MGAT1: variants seen among roughly 807,000 people sequenced by gnomAD.
MGAT1 encodes alpha-1,3-mannosyl-glycoprotein 2-beta-N-acetylglucosaminyltransferase.
In MGAT1, 14 loss-of-function variants were observed where a neutral mutation model predicts 31.7. That is an observed-to-expected ratio of 0.44 (90% CI 0.29 to 0.69). The LOEUF (loss-of-function observed/expected upper bound fraction) is 0.69. Among genes scored for constraint, MGAT1 ranks in the 30% least tolerant of loss-of-function variants. The probability of loss-of-function intolerance (pLI) is 0.12; values close to 1 mark genes in which losing one functional copy is unlikely to be tolerated. For missense variants in MGAT1, 557 were observed against 626.0 expected, an observed-to-expected ratio of 0.89 and a Z score of 1.18; for synonymous variants, 338 against 276.0, an observed-to-expected ratio of 1.22 and a Z score of -2.23.
intron 1 of MGAT1, chr5:180,810,084 G>C (rs936712): frequency 0.31 from 41,245 of 134,074 alleles, 6,929 homozygotes; most frequent in African/African-American, 0.49. Context: ...GCGGCCCGCC[G>C]CGGGTCGCAA....
chr5:180,799,387 GC>G (rs1473334839), intron 1 of MGAT1, among the ~76,000 whole-genome samples: 1 of 152,102 alleles, frequency 6.6e-6, no homozygotes, highest in Non-Finnish European at 1.5e-5. Context: ...CCACCTGCCA[GC>G]CACCCACACA....
chr5:180,815,411 T>TA (rs1227146684), intron 1 of MGAT1: 3 of 152,588 alleles, frequency 2.0e-5, no homozygotes, highest in Non-Finnish European at 4.4e-5. Flanking sequence ...CCCTCACAGA[T>TA]ACCTCTGACT....
rs57989347 is a variant in MGAT1 at position 180,797,440 on chromosome 5, GC to G, written c.-126-4344del. 6.9e-3 allele frequency among the ~76,000 whole-genome samples: 838 copies of G among 121,462 alleles called. 9 individuals carry two copies. The highest frequency in any genetic ancestry group is 0.031 in the East Asian group (95 of 3,058). The allele number at this position is 121,462 out of a possible 152,430, so 79.7% of individuals were successfully genotyped here. A position where few individuals can be genotyped will look rare whatever the true frequency, so the allele number is the denominator to read the frequency against. On this transcript the variant is annotated intron_variant, in intron 1 of 1. Coordinates refer to ENST00000307826, the MANE Select transcript of MGAT1 (RefSeq NM_002406.4). ...AAAAAAAAAAAAAAAGGGGGGGGGG[GC>G]CCAGAGGGATAGCCCGTCCCTGACT...
chr5:180,800,153 G>C (rs1051860978), intron 1 of MGAT1, among the ~76,000 whole-genome samples: 3 of 152,208 alleles, frequency 2.0e-5, no homozygotes, highest in African/African-American at 7.2e-5. Flanking sequence ...GAAGCAATGA[G>C]AGAAACAGAC....
chr5:180,811,796 G>A (rs1322048866), intron 1 of MGAT1, among the ~76,000 whole-genome samples: 1 of 152,112 alleles, frequency 6.6e-6, no homozygotes, highest in Non-Finnish European at 1.5e-5. Flanking sequence ...CTGCAGAGCC[G>A]GACAACCCAC....
intron 2 of MGAT1, chr5:180,808,637 A>G (rs1031142634): frequency 2.0e-5 from 3 of 152,290 alleles, no homozygotes; most frequent in African/African-American, 7.2e-5. Flanking sequence ...GAAATGAGAC[A>G]GGAGCCTTAC....
chr5:180,804,815 C>T (rs1771617706), upstream of MGAT1, among the ~76,000 whole-genome samples: 1 of 152,184 alleles, frequency 6.6e-6, no homozygotes, highest in Non-Finnish European at 1.5e-5. Flanking sequence ...GACCCTGATA[C>T]TTCTCCATCT....
intron 1 of MGAT1, among the ~76,000 whole-genome samples, chr5:180,798,608 C>G (rs757644370): frequency 6.6e-6 from 1 of 152,384 alleles, no homozygotes. Flanking sequence ...AGTTCCTCAA[C>G]TGTAACTGCC....
chr5:180,804,446 G>T (rs1330466183), upstream of MGAT1, among the ~76,000 whole-genome samples: 2 of 152,244 alleles, frequency 1.3e-5, no homozygotes, highest in Non-Finnish European at 2.9e-5. Context: ...AGAAGGGCAG[G>T]CCCACCGAGG....
chr5:180,804,841 G>A (rs1001224116), upstream of MGAT1, among the ~76,000 whole-genome samples: 4 of 152,138 alleles, frequency 2.6e-5, no homozygotes, highest in African/African-American at 7.2e-5. Context: ...AGGTGAAGGG[G>A]AAACAGGATG....
intron 1 of MGAT1, among the ~76,000 whole-genome samples, chr5:180,814,630 T>C (rs1772757349): frequency 6.6e-6 from 1 of 152,218 alleles, no homozygotes; most frequent in East Asian, 1.9e-4. Context: ...AGTCTGTTTC[T>C]ATTGCTTATG....
At chr5:180,806,015 C>A (rs1771812602), upstream of MGAT1, among the ~76,000 whole-genome samples, 1 of 152,182 alleles carries the variant, frequency 6.6e-6, no homozygotes, top group African/African-American at 2.4e-5. Context: ...CGGCCGGGCA[C>A]CGTGGCTCAT....
intron 1 of MGAT1, among the ~76,000 whole-genome samples, chr5:180,796,547 C>G (rs1769412667): frequency 6.6e-6 from 1 of 152,144 alleles, no homozygotes; most frequent in Non-Finnish European, 1.5e-5. Context: ...GCCATATCCC[C>G]ATATTTGATT....
intron 1 of MGAT1, among the ~76,000 whole-genome samples, chr5:180,799,730 T>C (rs1770313094): frequency 6.6e-6 from 1 of 152,204 alleles, no homozygotes; most frequent in Non-Finnish European, 1.5e-5. Context: ...TATGCTCTTC[T>C]TACAAGTGAT....
Position 180,792,212 on chromosome 5 carries a change from T to C in MGAT1, c.760A>G (p.Arg254Gly). 6.2e-7 allele frequency: 1 copy of C among 1,613,104 alleles called. No individual in the cohort carries two copies. The highest frequency in any genetic ancestry group is 8.5e-7 in the Non-Finnish European group (1 of 1,179,986). ...NGKEQMVDAS[R>G]PELLYRTDFF... ...TCGGTGCGGTAGAGCAGCTCAGGCC[T>C]GCTGGCGTCCACCATCTGCTCCTTG... The change falls in exon 2 of 2, where the codon AGG (arginine) becomes GGG (glycine). Residue 254 changes from arginine to glycine, a missense_variant. Around this residue, in one of 3 missense-constraint regions of MGAT1, gnomAD observed 245 missense variants for 332.9 expected, o/e 0.74. Coordinates refer to ENST00000307826, the MANE Select transcript of MGAT1 (RefSeq NM_002406.4).
Position 180,791,788 on chromosome 5 carries a change from T to C in MGAT1, c.1184A>G (p.Lys395Arg). 6.8e-6 allele frequency: 11 copies of C among 1,614,140 alleles called. No individual in the cohort carries two copies. The highest frequency in any genetic ancestry group is 8.5e-6 in the Non-Finnish European group (10 of 1,179,968). ...RVQYTGRDSF[K>R]AFAKALGVMD... ...GACACCCAGAGCCTTGGCGAAAGCC[T>C]TGAAGCTGTCCCTGCCCGTATACTG... is the stretch of plus-strand genomic sequence containing the variant. Residue 395 changes from lysine (K) to arginine (R), a missense_variant, in exon 2 of 2, where the codon AAG (lysine) becomes AGG (arginine). This residue lies in a region of MGAT1 where 145 missense variants were observed against 143.2 expected (regional missense o/e 1.01). Coordinates refer to ENST00000307826, the MANE Select transcript of MGAT1 (RefSeq NM_002406.4).
rs1768012220 is a variant in MGAT1, at chr5:180,791,163, G to A, written c.*471C>T. On this transcript the variant is annotated 3_prime_UTR_variant, in exon 2 of 2. Transcript: ENST00000307826. ...AGGCCCTGACAAGGAAGCCCCTTTGGTTAGTATCATTTTGGCCACAAATAT... is the reference window on the plus strand; with the variant it reads ...AGGCCCTGACAAGGAAGCCCCTTTGATTAGTATCATTTTGGCCACAAATAT... 2 of 160,896 alleles carry A rather than the reference G, an allele frequency of 1.2e-5. No homozygotes were observed. Among genetic ancestry groups the A allele is most frequent in the South Asian group, 3.7e-4 (2 of 5,338 alleles). The allele number at this position is 160,896 out of a possible 1,614,324, so 10.0% of individuals were successfully genotyped here. A position where few individuals can be genotyped will look rare whatever the true frequency, so the allele number is the denominator to read the frequency against.
upstream of MGAT1, among the ~76,000 whole-genome samples, chr5:180,807,593 C>T (rs1772033201): frequency 6.6e-6 from 1 of 152,238 alleles, no homozygotes; most frequent in Admixed American, 6.5e-5. Flanking sequence ...TAGCCAGACA[C>T]CTGCCCTCAA....
chr5:180,791,648 G>T lies in MGAT1; in HGVS notation c.1324C>A (p.Pro442Thr), dbSNP rs368336744. 15 of 1,613,394 alleles carry T rather than the reference G, an allele frequency of 9.3e-6. No homozygotes were observed. The highest frequency in any genetic ancestry group is 1.3e-5 in the Non-Finnish European group (15 of 1,179,964). Residue 442 changes from proline (P) to threonine (T), a missense_variant, in exon 2 of 2, where the codon CCT (proline) becomes ACT (threonine). By Grantham distance (38) the Pro-to-Thr change is conservative. Around this residue, in one of 3 missense-constraint regions of MGAT1, gnomAD observed 145 missense variants for 143.2 expected, o/e 1.01. Coordinates refer to ENST00000307826, the MANE Select transcript of MGAT1 (RefSeq NM_002406.4). ...ACAGGCAGGTGCTAATTCCAGCTAG[G>T]ATCATAGCCCTCCCACGTCAGTGGG... ...APPLTWEGYD[P>T]SWN
Sources: allele counts gnomAD v4.1 joint callset (sites outside exome capture counted in the v4.1 genomes callset), GRCh38; gene constraint gnomAD v4.1.1; regional missense constraint gnomAD v4.1.1; transcripts MANE v1.5; gene names NCBI Gene and HGNC (gene_info 2026-07-23, HGNC 2026-07-21).